The following FAM107B variants were observed in gnomAD, a reference collection of about 807,000 sequenced individuals.
FAM107B encodes the protein protein FAM107B.
In FAM107B, 21 loss-of-function variants were observed where a neutral mutation model predicts 31.5. The observed-to-expected ratio is 0.67, with a 90% CI of 0.47 to 0.96. The LOEUF (loss-of-function observed/expected upper bound fraction) is 0.96, where lower values mean the gene tolerates loss of function less well. FAM107B is among the 40% of genes least tolerant of loss of function. The probability of loss-of-function intolerance (pLI) is 0.00; values close to 1 mark genes in which losing one functional copy is unlikely to be tolerated. For synonymous variants in FAM107B, 157 were observed against 141.5 expected (o/e 1.11, Z -0.78); for missense variants, 452 against 377.1 (o/e 1.20, Z -1.64).
intron 1 of FAM107B, among the ~76,000 whole-genome samples, chr10:14,693,605 A>G (rs997751989): frequency 3.3e-5 from 5 of 152,188 alleles, no homozygotes; most frequent in Admixed American, 2.0e-4. Flanking sequence ...TTTGTGTGGC[A>G]AGAGCGGCTA....
intron 2 of FAM107B, among the ~76,000 whole-genome samples, chr10:14,641,501 G>A (rs1853626654): frequency 6.6e-6 from 1 of 152,164 alleles, no homozygotes; most frequent in South Asian, 2.1e-4. Context: ...GAGTTCCAGA[G>A]GCTGGAAGTA....
chr10:14,575,517 T>C (rs548348421), intron 2 of FAM107B, among the ~76,000 whole-genome samples: 2 of 152,212 alleles, frequency 1.3e-5, no homozygotes, highest in South Asian at 2.1e-4. Context: ...AGCTTTTCAA[T>C]GGAGAGCAAT....
intron 1 of FAM107B, among the ~76,000 whole-genome samples, chr10:14,726,067 C>G (rs1339533109): frequency 6.6e-6 from 1 of 151,694 alleles, no homozygotes; most frequent in Non-Finnish European, 1.5e-5. Context: ...GATCTCAGCT[C>G]ACTGCAACCT....
chr10:14,670,376 T>C (rs1854510995), intron 1 of FAM107B, among the ~76,000 whole-genome samples: 1 of 152,344 alleles, frequency 6.6e-6, no homozygotes, highest in East Asian at 1.9e-4. Flanking sequence ...ATATTTGAAG[T>C]GGGTATGAAT....
At chr10:14,631,902 G>A (rs1026407322) in intron 2 of FAM107B, among the ~76,000 whole-genome samples, 2 of 152,122 alleles carry the variant, frequency 1.3e-5, no homozygotes, top group Admixed American at 6.6e-5. Context: ...GCCAAGTGAC[G>A]GCTTTTATAA....
chr10:14,607,416 A>G (rs540033569), intron 2 of FAM107B, among the ~76,000 whole-genome samples: 203 of 152,280 alleles, frequency 1.3e-3, no homozygotes, highest in Middle Eastern at 6.8e-3. Flanking sequence ...GGACCCCTGG[A>G]GCCACTGTGG....
At chr10:14,613,921 A>G (rs974606088) in intron 2 of FAM107B, among the ~76,000 whole-genome samples, 1 of 152,192 alleles carries the variant, frequency 6.6e-6, no homozygotes, top group African/African-American at 2.4e-5. Flanking sequence ...ACTTGAGGTC[A>G]GCAGTTCGAG....
intron 2 of FAM107B, among the ~76,000 whole-genome samples, chr10:14,572,822 G>A (rs1190601758): frequency 6.8e-6 from 1 of 146,716 alleles, no homozygotes; most frequent in Admixed American, 6.9e-5. Context: ...ATATTAGATT[G>A]GAAAAAAACG....
chr10:14,762,801 C>CAAAA (rs1554757453), intron 1 of FAM107B, among the ~76,000 whole-genome samples: 37 of 141,234 alleles, frequency 2.6e-4, no homozygotes, highest in African/African-American at 9.1e-4. Context: ...CACACACACA[C>CAAAA]AAAAAGAACA....
Position 14,521,254 on chromosome 10 carries a change from A to C in FAM107B, c.857T>G (p.Phe286Cys). 3 of 1,614,052 alleles carry C rather than the reference A, an allele frequency of 1.9e-6. No homozygotes were observed. The highest frequency in any genetic ancestry group is 2.5e-6 in the Non-Finnish European group (3 of 1,179,992). Residue 286 changes from phenylalanine (F) to cysteine (C), a missense_variant, in exon 5 of 5, where the codon TTT (phenylalanine) becomes TGT (cysteine). Transcript: ENST00000181796. ...LQEEQENAPEFVKVKGNLRRT... is the reference protein window; with the variant it reads ...LQEEQENAPECVKVKGNLRRT... Reference sequence around the variant, plus strand: ...CCTGAGATTGCCTTTCACCTTCACAAACTCGGGGGCATTTTCTTGCTCTTC... The same window carrying C: ...CCTGAGATTGCCTTTCACCTTCACACACTCGGGGGCATTTTCTTGCTCTTC...
chr10:14,597,212 A>G (rs1480030585), intron 2 of FAM107B, among the ~76,000 whole-genome samples: 1 of 152,212 alleles, frequency 6.6e-6, no homozygotes, highest in Non-Finnish European at 1.5e-5. Context: ...CCTCCAGGAC[A>G]TGGGAATTTT....
chr10:14,613,873 G>C (rs996835945), intron 2 of FAM107B, among the ~76,000 whole-genome samples: 1 of 152,152 alleles, frequency 6.6e-6, no homozygotes, highest in East Asian at 1.9e-4. Flanking sequence ...GCTCACACCT[G>C]TAATCCAAGC....
chr10:14,591,083 T>C (rs1852004939), intron 2 of FAM107B, among the ~76,000 whole-genome samples: 2 of 151,978 alleles, frequency 1.3e-5, no homozygotes, highest in African/African-American at 4.8e-5. Context: ...CCTCTAGTTA[T>C]CTTAAACTCA....
At chr10:14,569,708 C>T (rs1441909796) in intron 2 of FAM107B, among the ~76,000 whole-genome samples, 3 of 152,196 alleles carry the variant, frequency 2.0e-5, no homozygotes, top group African/African-American at 7.2e-5. Flanking sequence ...GACTTAAGAC[C>T]TTGAGGGAAA....
At chr10:14,743,962 A>G (rs1335366469) in intron 1 of FAM107B, among the ~76,000 whole-genome samples, 1 of 152,200 alleles carries the variant, frequency 6.6e-6, no homozygotes, top group Non-Finnish European at 1.5e-5. Context: ...CATTTTCACA[A>G]TATTGATTCT....
At chr10:14,760,038 T>C (rs532321725) in intron 1 of FAM107B, among the ~76,000 whole-genome samples, 1 of 152,344 alleles carries the variant, frequency 6.6e-6, no homozygotes, top group African/African-American at 2.4e-5. Context: ...TTATTTCATC[T>C]TTGTTTATCA....
intron 1 of FAM107B, among the ~76,000 whole-genome samples, chr10:14,718,950 C>G (rs527926440): frequency 6.6e-6 from 1 of 152,218 alleles, no homozygotes; most frequent in Admixed American, 6.5e-5. Context: ...ATTCCCAGTT[C>G]TATAGATGAG....
chr10:14,545,594 G>A (rs1848621392), intron 2 of FAM107B, among the ~76,000 whole-genome samples: 1 of 152,182 alleles, frequency 6.6e-6, no homozygotes, highest in Admixed American at 6.5e-5. Flanking sequence ...AGAGGGGAGA[G>A]GCCATGTGGC....
intron 1 of FAM107B, among the ~76,000 whole-genome samples, chr10:14,767,020 G>GTGTGTATATATA: frequency 3.3e-5 from 1 of 30,412 alleles, no homozygotes; most frequent in African/African-American, 8.5e-5. Flanking sequence ...TCCCTGATGT[G>GTGTGTATATATA]TATGTATATA....
Sources: allele counts gnomAD v4.1 joint callset (sites outside exome capture counted in the v4.1 genomes callset), GRCh38; gene constraint gnomAD v4.1.1; transcripts MANE v1.5; gene names NCBI Gene and HGNC (gene_info 2026-07-23, HGNC 2026-07-21).